The following ARFGEF1 variants were observed in gnomAD, a reference collection of about 807,000 sequenced individuals.
ARFGEF1 encodes ARF guanine nucleotide exchange factor 1.
In ARFGEF1, 42 loss-of-function variants were observed where a neutral mutation model predicts 231.0. That is an observed-to-expected ratio of 0.18 (90% CI 0.14 to 0.24). The LOEUF (loss-of-function observed/expected upper bound fraction) is 0.24, where lower values mean the gene tolerates loss of function less well. Ranked by LOEUF, ARFGEF1 falls within the 10% of genes least tolerant of loss-of-function variation. The pLI, the probability that ARFGEF1 is intolerant of heterozygous loss-of-function variation, is 1.00. For synonymous variants in ARFGEF1, 710 were observed against 732.3 expected (o/e 0.97, Z 0.49); for missense variants, 1,345 against 2,192.0 (o/e 0.61, Z 7.72).
intron 10 of ARFGEF1, among the ~76,000 whole-genome samples, chr8:67,269,895 T>C (rs1389667687): frequency 1.3e-5 from 2 of 152,288 alleles, no homozygotes; most frequent in African/African-American, 4.8e-5. Context: ...GCAAAAATAG[T>C]AATCTCAACT....
At chr8:67,322,825 G>A (rs898415502) in intron 1 of ARFGEF1, among the ~76,000 whole-genome samples, 5 of 152,076 alleles carry the variant, frequency 3.3e-5, no homozygotes, top group Non-Finnish European at 7.3e-5. Context: ...ACTTACCTTA[G>A]CATATTGAAA....
Position 67,219,198 on chromosome 8 carries a change from C to A in ARFGEF1, c.4338+233G>T, listed in dbSNP as rs1265798385. Reference sequence around the variant, plus strand: ...GCCAGGCTGGTCTCAAACCCCTGACCTGAGATGATCCACCCGCCTTGGCCT... The same window carrying A: ...GCCAGGCTGGTCTCAAACCCCTGACATGAGATGATCCACCCGCCTTGGCCT... On this transcript the variant is annotated intron_variant, in intron 30 of 38. Coordinates refer to ENST00000262215, the MANE Select transcript of ARFGEF1 (RefSeq NM_006421.5). Among the ~76,000 whole-genome samples the A allele has an allele frequency of 2.0e-5, 3 of 152,144 alleles. No individual in the cohort carries two copies. The East Asian group carries it at 5.8e-4, about 29-fold the overall frequency.
At chr8:67,253,228 T>G (rs1048775328) in intron 18 of ARFGEF1, among the ~76,000 whole-genome samples, 2 of 152,218 alleles carry the variant, frequency 1.3e-5, no homozygotes. Context: ...TGAAAAACTC[T>G]CTTTTAAATT....
At chr8:67,271,560 C>T (rs755709274) in intron 10 of ARFGEF1, 142 bp downstream of exon 10, 4 of 649,536 alleles carry the variant, frequency 6.2e-6, no homozygotes, top group Non-Finnish European at 1.0e-5. Flanking sequence ...ATTAGTTGAA[C>T]AGGTGAATGA....
At chr8:67,197,302 T>C (rs190551658), downstream of ARFGEF1, among the ~76,000 whole-genome samples, 13 of 151,948 alleles carry the variant, frequency 8.6e-5, no homozygotes, top group Non-Finnish European at 1.8e-4. Context: ...AATTTTTTTT[T>C]AATTAGGCAA....
chr8:67,195,346 G>GTGTT, downstream of ARFGEF1: 1 of 1,420,560 alleles, frequency 7.0e-7, no homozygotes, highest in Non-Finnish European at 1.0e-6. Flanking sequence ...CCTGCCACCT[G>GTGTT]TGTTACCTGA....
chr8:67,218,205 AAAATATATATAT>A lies in ARFGEF1; in HGVS notation c.4339-79_4339-68del, dbSNP rs1382450968. 2.5e-3 allele frequency: 389 copies of A among 155,598 alleles called. 18 individuals are homozygous for A. Among genetic ancestry groups the A allele is most frequent in the African/African-American group, 0.018 (299 of 16,418 alleles). The allele number at this position is 155,598 out of a possible 1,614,324, so 9.6% of individuals were successfully genotyped here. A position where few individuals can be genotyped will look rare whatever the true frequency, so the allele number is the denominator to read the frequency against. ...ACTACTATGATTAAAAAAAAAAAAA[AAAATATATATAT>A]ATATATATATATATATAAATGTTTT... On this transcript the variant is annotated intron_variant, in intron 30 of 38. Transcript: ENST00000262215.
intron 33 of ARFGEF1, among the ~76,000 whole-genome samples, chr8:67,212,248 C>A (rs760704230): frequency 2.5e-4 from 38 of 152,078 alleles, no homozygotes; most frequent in Non-Finnish European, 4.4e-4. Context: ...ATGCCCGGCT[C>A]ATTTTGTATT....
At chr8:67,253,407 T>C in intron 18 of ARFGEF1, 44 bp downstream of exon 18, 1 of 1,393,372 alleles carries the variant, frequency 7.2e-7, no homozygotes, top group Non-Finnish European at 9.8e-7. Flanking sequence ...GAACCCATAT[T>C]TTTCCCCTTG....
chr8:67,311,266 C>G (rs1415321018), intron 1 of ARFGEF1, among the ~76,000 whole-genome samples: 1 of 134,952 alleles, frequency 7.4e-6, no homozygotes, highest in East Asian at 2.3e-4. Context: ...CCCGGCCAGC[C>G]GCCCCGTCCG....
In ARFGEF1 at chr8:67,219,746, C is replaced by CG. The variant is rs534258064; in HGVS notation, c.4209-187dup. On this transcript the variant is annotated intron_variant, in intron 29 of 38. Transcript: ENST00000262215. Reference sequence around the variant, plus strand: ...ACAGGTTCCTTTAGGATACATCATTCGGGAAAAAAAATCTCCAAAGGTCTT... The same window carrying CG: ...ACAGGTTCCTTTAGGATACATCATTCGGGGAAAAAAAATCTCCAAAGGTCTT... 2.0e-4 allele frequency among the ~76,000 whole-genome samples: 31 copies of CG among 151,716 alleles called. 1 individual carries two copies. The highest frequency in any genetic ancestry group is 7.0e-4 in the African/African-American group (29 of 41,174).
chr8:67,332,819 G>A (rs957110325), intron 1 of ARFGEF1, among the ~76,000 whole-genome samples: 3 of 152,098 alleles, frequency 2.0e-5, no homozygotes, highest in Admixed American at 6.5e-5. Flanking sequence ...AGATGACTAT[G>A]TAGGCTCTAA....
At chr8:67,260,320 A>G (rs753937811) in intron 14 of ARFGEF1, among the ~76,000 whole-genome samples, 1 of 152,302 alleles carries the variant, frequency 6.6e-6, no homozygotes, top group South Asian at 2.1e-4. Flanking sequence ...CACTTCACAG[A>G]TACGTGTTTT....
intron 34 of ARFGEF1, among the ~76,000 whole-genome samples, chr8:67,211,000 C>T (rs1838716950): frequency 1.4e-5 from 2 of 145,898 alleles, no homozygotes; most frequent in South Asian, 4.4e-4. Flanking sequence ...TTGCAGTGAG[C>T]ATCACTGCAC....
intron 1 of ARFGEF1, among the ~76,000 whole-genome samples, chr8:67,336,979 A>T (rs1808370713): frequency 6.6e-6 from 1 of 152,086 alleles, no homozygotes; most frequent in Non-Finnish European, 1.5e-5. Context: ...AAATACAAAA[A>T]AAATCAGCCG....
intron 1 of ARFGEF1, among the ~76,000 whole-genome samples, chr8:67,310,713 A>C (rs1416750598): frequency 2.2e-5 from 3 of 134,890 alleles, no homozygotes; most frequent in South Asian, 2.5e-4. Flanking sequence ...CCCGCCGCCC[A>C]ATCTGGGATG....
In ARFGEF1 at chr8:67,321,258, A is replaced by G. The variant is rs147697888; in HGVS notation, c.125-18792T>C. 8.0e-3 allele frequency among the ~76,000 whole-genome samples: 1,220 copies of G among 152,306 alleles called. 13 individuals carry two copies. Among genetic ancestry groups the G allele is most frequent in the African/African-American group, 0.028 (1,164 of 41,560 alleles). On this transcript the variant is annotated intron_variant, in intron 1 of 38. Transcript: ENST00000262215. ...TGTGTTAAAATTCATGGAATTGTAC[A>G]GTAAAAAAGAAAGTCAAATTTACTG...
At chr8:67,271,581 G>A (rs1805103034) in intron 10 of ARFGEF1, 121 bp downstream of exon 10, 1 of 744,206 alleles carries the variant, frequency 1.3e-6, no homozygotes, top group Non-Finnish European at 2.2e-6. Flanking sequence ...AAAAAAATAA[G>A]TGCATGGCAA....
intron 5 of ARFGEF1, among the ~76,000 whole-genome samples, chr8:67,180,424 G>A (rs1389172712): frequency 2.6e-5 from 4 of 152,230 alleles, no homozygotes; most frequent in Non-Finnish European, 5.9e-5. Flanking sequence ...GTGGTTGCCA[G>A]GGGTTGAGGG....
Sources: gnomAD v4.1 joint callset for allele counts (sites outside exome capture counted in the v4.1 genomes callset) on GRCh38, gnomAD v4.1.1 for gene constraint, MANE v1.5 for transcripts, NCBI Gene and HGNC (gene_info 2026-07-23, HGNC 2026-07-21) for gene names.